MAP4K4: variants seen among roughly 807,000 people sequenced by gnomAD.
MAP4K4 encodes mitogen-activated protein kinase kinase kinase kinase 4.
A neutral mutation model predicts 189.6 loss-of-function variants in MAP4K4; 38 were observed. That is an observed-to-expected ratio of 0.20 (90% CI 0.15 to 0.26). MAP4K4 has a LOEUF of 0.26. Ranked by LOEUF, MAP4K4 falls within the 10% of genes least tolerant of loss-of-function variation. MAP4K4 has a pLI of 1.00. For missense variants in MAP4K4, 1,054 were observed against 1,726.9 expected (o/e 0.61, Z 6.91); for synonymous variants, 610 against 624.3 (o/e 0.98, Z 0.34).
At chr2:101,784,274 GTGTGTGTGTGTGTA>G (rs1293849907) in intron 2 of MAP4K4, among the ~76,000 whole-genome samples, 2 of 145,440 alleles carry the variant, frequency 1.4e-5, no homozygotes, top group African/African-American at 5.6e-5. Context: ...GTGTGTGTGT[GTGTGTGTGTGTGTA>G]TGTGTGTGTG....
At chr2:101,769,486 A>G (rs1000182675) in intron 2 of MAP4K4, among the ~76,000 whole-genome samples, 2 of 152,320 alleles carry the variant, frequency 1.3e-5, no homozygotes, top group Admixed American at 1.3e-4. Context: ...TTTTTGCAGT[A>G]TGTACCTCTA....
intron 3 of MAP4K4, among the ~76,000 whole-genome samples, chr2:101,821,533 A>G (rs542181387): frequency 2.6e-5 from 4 of 152,326 alleles, no homozygotes; most frequent in African/African-American, 4.8e-5. Flanking sequence ...GATTGTCAAA[A>G]TATGTTATAA....
intron 12 of MAP4K4, among the ~76,000 whole-genome samples, chr2:101,855,512 T>C (rs2097425595): frequency 1.3e-5 from 2 of 152,210 alleles, no homozygotes; most frequent in Non-Finnish European, 2.9e-5. Flanking sequence ...GTCCTGGTTA[T>C]TCTTGTTGAC....
chr2:101,774,364 A>G (rs2082935712), intron 2 of MAP4K4, among the ~76,000 whole-genome samples: 1 of 152,202 alleles, frequency 6.6e-6, no homozygotes, highest in African/African-American at 2.4e-5. Context: ...TCTTCTTTTG[A>G]GAAACGTCTG....
chr2:101,889,063 CT>C, intron 32 of MAP4K4, 128 bp downstream of exon 32: 1 of 878,222 alleles, frequency 1.1e-6, no homozygotes. Context: ...TTAAACGTTG[CT>C]TTTTAGTCAT....
rs192885042 is a variant in MAP4K4, at chr2:101,840,478, T to A, written c.949+484T>A. Among the ~76,000 whole-genome samples, 303 of 152,306 alleles carry A rather than the reference T, an allele frequency of 2.0e-3. 4 individuals carry two copies. The highest frequency in any genetic ancestry group is 0.019 in the Admixed American group (284 of 15,296). ...ATGACTTTGCTTTAAGTAGCATGCA[T>A]AACACAAGCATGCTGTTGTGCTAAA... is the stretch of plus-strand genomic sequence containing the variant. On this transcript the variant is annotated intron_variant, in intron 10 of 32. Coordinates refer to ENST00000324219, the Ensembl canonical transcript of MAP4K4.
chr2:101,841,784 A>C (rs2096927000), intron 10 of MAP4K4, among the ~76,000 whole-genome samples: 1 of 152,146 alleles, frequency 6.6e-6, no homozygotes, highest in Non-Finnish European at 1.5e-5. Flanking sequence ...CATCTTGTAT[A>C]TCTTTGAAAA....
chr2:101,823,886 A>G, intron 3 of MAP4K4, 42 bp from the exon 4 acceptor site: 3 of 1,541,458 alleles, frequency 1.9e-6, no homozygotes, highest in African/African-American at 1.4e-5. Flanking sequence ...AGTCATTCAC[A>G]TCGTTCAGTA....
At chr2:101,737,741 A>G (rs1467469315) in intron 2 of MAP4K4, among the ~76,000 whole-genome samples, 3 of 151,866 alleles carry the variant, frequency 2.0e-5, no homozygotes, top group Non-Finnish European at 4.4e-5. Context: ...AAAGTTTGAA[A>G]AGGAAAAAAA....
At chr2:101,836,414 G>T (rs554646829) in intron 9 of MAP4K4, among the ~76,000 whole-genome samples, 1 of 152,120 alleles carries the variant, frequency 6.6e-6, no homozygotes, top group African/African-American at 2.4e-5. Flanking sequence ...GAGAAACCCC[G>T]TCTCTACTAT....
At chr2:101,861,184 T>C (rs775116484) in intron 16 of MAP4K4, 198 bp downstream of exon 16, 1 of 566,724 alleles carries the variant, frequency 1.8e-6, no homozygotes, top group Non-Finnish European at 3.0e-6. Flanking sequence ...GAGATTTCTA[T>C]GTACTCATTA....
chr2:101,811,370 C>CAAAAAAAAAA (rs71378177), intron 3 of MAP4K4, among the ~76,000 whole-genome samples: 54 of 68,838 alleles, frequency 7.8e-4, no homozygotes, highest in East Asian at 1.6e-3. Flanking sequence ...GACTGCGTCT[C>CAAAAAAAAAA]AAAAAAAAAA....
intron 3 of MAP4K4, among the ~76,000 whole-genome samples, chr2:101,818,989 T>G (rs1040695714): frequency 6.6e-6 from 1 of 152,150 alleles, no homozygotes; most frequent in Admixed American, 6.5e-5. Context: ...TTCATTTGTT[T>G]ATACTTGTGA....
intron 2 of MAP4K4, among the ~76,000 whole-genome samples, chr2:101,761,303 GTATTTTTTCT>G (rs2150173255): frequency 6.6e-6 from 1 of 152,200 alleles, no homozygotes; most frequent in African/African-American, 2.4e-5. Context: ...GTTATTAGAT[GTATTTTTTCT>G]TAAAAAAATT....
chr2:101,882,088 TACAA>T lies in MAP4K4; in HGVS notation c.3386-461_3386-458del, dbSNP rs1267097707. On this transcript the variant is annotated intron_variant, in intron 27 of 32. Transcript: ENST00000324219. ...CTACTTTAATAGATAGTGCCAAACTTACAAAAACAGTTCTAACAGTTTACAACAC... is the reference window on the plus strand; with the variant it reads ...CTACTTTAATAGATAGTGCCAAACTTAAACAGTTCTAACAGTTTACAACAC... 3.3e-5 allele frequency among the ~76,000 whole-genome samples: 5 copies of T among 152,358 alleles called. No individual in the cohort carries two copies. The East Asian group carries it at 9.6e-4, about 29-fold the overall frequency.
At chr2:101,708,252 TTG>T (rs1203523190) in intron 2 of MAP4K4, among the ~76,000 whole-genome samples, 1 of 152,222 alleles carries the variant, frequency 6.6e-6, no homozygotes, top group African/African-American at 2.4e-5. Flanking sequence ...TAACCAAAAG[TTG>T]TGTCTTTGAT....
At chr2:101,773,242 G>C (rs1254189853) in intron 2 of MAP4K4, among the ~76,000 whole-genome samples, 1 of 152,176 alleles carries the variant, frequency 6.6e-6, no homozygotes, top group Non-Finnish European at 1.5e-5. Context: ...CTTTTTGCTT[G>C]ACAATGTGGT....
intron 21 of MAP4K4, 122 bp downstream of exon 21, chr2:101,868,159 T>A: frequency 1.9e-6 from 2 of 1,065,692 alleles, no homozygotes; most frequent in Non-Finnish European, 1.4e-6. Flanking sequence ...TTTTCTAGAA[T>A]TTAAAAACCT....
intron 2 of MAP4K4, among the ~76,000 whole-genome samples, chr2:101,739,889 T>C (rs2061867839): frequency 6.6e-6 from 1 of 152,190 alleles, no homozygotes; most frequent in Non-Finnish European, 1.5e-5. Context: ...TATAAATCTT[T>C]TGTTAGTAGG....
Sources: gnomAD v4.1 joint callset for allele counts (sites outside exome capture counted in the v4.1 genomes callset) on GRCh38, gnomAD v4.1.1 for gene constraint, MANE v1.5 for transcripts, NCBI Gene and HGNC (gene_info 2026-07-23, HGNC 2026-07-21) for gene names.